MRTFA: variants seen among roughly 807,000 people sequenced by gnomAD.
MRTFA encodes the protein myocardin related transcription factor A.
A neutral mutation model predicts 83.5 loss-of-function variants in MRTFA; 20 were observed. The ratio of observed to expected loss-of-function variants is 0.24; its 90% CI spans 0.17 to 0.35. The LOEUF (loss-of-function observed/expected upper bound fraction) is 0.35. MRTFA is among the 10% of genes least tolerant of loss of function. The pLI, the probability that MRTFA is intolerant of heterozygous loss-of-function variation, is 1.00. For missense variants in MRTFA, 1,200 were observed against 1,224.7 expected (o/e 0.98, Z 0.30); for synonymous variants, 659 against 541.2 (o/e 1.22, Z -3.02).
intron 3 of MRTFA, among the ~76,000 whole-genome samples, chr22:40,493,536 GA>G (rs2054303367): frequency 6.6e-6 from 1 of 152,254 alleles, no homozygotes; most frequent in African/African-American, 2.4e-5. Flanking sequence ...AAAGTGGAAA[GA>G]AAAGGAAAAG....
chr22:40,472,413 A>G (rs890226473), intron 3 of MRTFA, among the ~76,000 whole-genome samples: 2 of 152,366 alleles, frequency 1.3e-5, no homozygotes, highest in African/African-American at 2.4e-5. Flanking sequence ...AGCAGTAAGT[A>G]GCCTTTCCTC....
At chr22:40,472,492 T>C (rs943006383) in intron 3 of MRTFA, among the ~76,000 whole-genome samples, 4 of 152,236 alleles carry the variant, frequency 2.6e-5, no homozygotes, top group African/African-American at 7.2e-5. Context: ...AAGTTAAAAT[T>C]TTTTGACAAT....
chr22:40,434,970 G>A (rs774609054), intron 5 of MRTFA, among the ~76,000 whole-genome samples: 1 of 152,156 alleles, frequency 6.6e-6, no homozygotes, highest in African/African-American at 2.4e-5. Context: ...GAAAACTTGG[G>A]CTTGGAGTGT....
chr22:40,417,253 C>G, intron 13 of MRTFA, 88 bp downstream of exon 13: 1 of 1,531,298 alleles, frequency 6.5e-7, no homozygotes, highest in Non-Finnish European at 8.8e-7. Flanking sequence ...CGCCTGCCCC[C>G]TATTCCTCCG....
chr22:40,449,130 G>A (rs1358253592), intron 4 of MRTFA, among the ~76,000 whole-genome samples: 1 of 152,060 alleles, frequency 6.6e-6, no homozygotes, highest in Non-Finnish European at 1.5e-5. Flanking sequence ...AGCCGGGCGT[G>A]GTGGCGGGTG....
chr22:40,599,882 G>A (rs1284556020), intron 1 of MRTFA, among the ~76,000 whole-genome samples: 2 of 149,384 alleles, frequency 1.3e-5, no homozygotes, highest in Non-Finnish European at 3.0e-5. Flanking sequence ...CTGAGCGACA[G>A]AGTGAGACAC....
intron 3 of MRTFA, among the ~76,000 whole-genome samples, chr22:40,465,914 A>T (rs1309658194): frequency 6.6e-6 from 1 of 152,092 alleles, no homozygotes; most frequent in Non-Finnish European, 1.5e-5. Context: ...AGTGAGGCCC[A>T]GCAGGTTTAA....
At chr22:40,449,979 GCA>G (rs1351395508) in intron 4 of MRTFA, among the ~76,000 whole-genome samples, 2 of 152,228 alleles carry the variant, frequency 1.3e-5, no homozygotes, top group African/African-American at 4.8e-5. Context: ...AAGGTGAGGA[GCA>G]CAGAGGTTCA....
chr22:40,455,515 G>A (rs563196823), intron 4 of MRTFA, among the ~76,000 whole-genome samples: 55 of 152,154 alleles, frequency 3.6e-4, no homozygotes, highest in Non-Finnish European at 6.3e-4. Context: ...GCATGGTGGC[G>A]GGTGCCCGTA....
At chr22:40,582,696 C>T (rs1040152856) in intron 2 of MRTFA, among the ~76,000 whole-genome samples, 6 of 149,632 alleles carry the variant, frequency 4.0e-5, no homozygotes, top group African/African-American at 1.2e-4. Context: ...ACACACACAC[C>T]CTTCTCTACA....
At chr22:40,599,235 T>C (rs909830025) in intron 1 of MRTFA, among the ~76,000 whole-genome samples, 1 of 151,194 alleles carries the variant, frequency 6.6e-6, no homozygotes, top group Non-Finnish European at 1.5e-5. Flanking sequence ...GAGGCGGAGG[T>C]TGCAGTGAGC....
chr22:40,453,502 G>A (rs896925105), intron 4 of MRTFA, among the ~76,000 whole-genome samples: 1 of 152,140 alleles, frequency 6.6e-6, no homozygotes, highest in Non-Finnish European at 1.5e-5. Context: ...TTGACACACA[G>A]GGGCAGCAGT....
rs989289070 is a variant in MRTFA, at chr22:40,453,744, T to TA, written c.307+9476dup. On this transcript the variant is annotated intron_variant, in intron 4 of 14. Coordinates refer to ENST00000355630, the MANE Select transcript of MRTFA (RefSeq NM_020831.6). Reference sequence around the variant, plus strand: ...AATTTTAGTTAAAAAAAAAAATTGTTAAAAAAAATAGGAGTGGGGATGGAG... The same window carrying TA: ...AATTTTAGTTAAAAAAAAAAATTGTTAAAAAAAAATAGGAGTGGGGATGGAG... Among the ~76,000 whole-genome samples the TA allele has an allele frequency of 1.6e-4, 25 of 151,816 alleles. 1 individual carries two copies. The highest frequency in any genetic ancestry group is 1.4e-3 in the Admixed American group (22 of 15,234).
intron 1 of MRTFA, among the ~76,000 whole-genome samples, chr22:40,625,410 G>A (rs1051117700): frequency 6.6e-6 from 1 of 151,410 alleles, no homozygotes; most frequent in Non-Finnish European, 1.5e-5. Context: ...GAGGCCAGAA[G>A]TTCACAACCA....
intron 9 of MRTFA, 25 bp from the exon 10 acceptor site, chr22:40,421,125 C>T: frequency 6.6e-7 from 1 of 1,506,396 alleles, no homozygotes; most frequent in Non-Finnish European, 8.9e-7. Context: ...GACAGGGTGC[C>T]ATTCAGGGGC....
intron 1 of MRTFA, among the ~76,000 whole-genome samples, chr22:40,613,556 G>A (rs1046955322): frequency 2.0e-5 from 3 of 152,078 alleles, no homozygotes; most frequent in Admixed American, 6.6e-5. Flanking sequence ...TCTCACTGTG[G>A]TTTTAATTTG....
intron 3 of MRTFA, among the ~76,000 whole-genome samples, chr22:40,528,660 T>C (rs1324441208): frequency 6.7e-6 from 1 of 149,786 alleles, no homozygotes; most frequent in Non-Finnish European, 1.5e-5. Flanking sequence ...TCGCTTGAAC[T>C]CGGGAGGTGG....
chr22:40,419,838 T>C (rs10854731), intron 11 of MRTFA, among the ~76,000 whole-genome samples: 11,013 of 152,258 alleles, frequency 0.072, 1,356 homozygotes, highest in African/African-American at 0.25. Context: ...GCACTGGGCA[T>C]GACCCACTCC....
intron 2 of MRTFA, chr22:40,569,723 AC>A (rs2055758363): frequency 9.0e-5 from 1 of 11,144 alleles, no homozygotes; most frequent in Non-Finnish European, 3.9e-4. Context: ...ATTAATACAT[AC>A]ATACATACAT....
Sources: allele counts gnomAD v4.1 joint callset (sites outside exome capture counted in the v4.1 genomes callset), GRCh38; gene constraint gnomAD v4.1.1; transcripts MANE v1.5; gene names NCBI Gene and HGNC (gene_info 2026-07-23, HGNC 2026-07-21).